NOC4L: variants seen among roughly 807,000 people sequenced by gnomAD.
NOC4L encodes the protein nucleolar complex associated 4 homolog.
A neutral mutation model predicts 62.8 loss-of-function variants in NOC4L; 40 were observed. The ratio of observed to expected loss-of-function variants is 0.64; its 90% CI spans 0.49 to 0.83. The LOEUF is 0.83. Among genes scored for constraint, NOC4L ranks in the 40% least tolerant of loss-of-function variants. NOC4L has a pLI of 0.00. For missense variants in NOC4L, 927 were observed against 701.9 expected, an observed-to-expected ratio of 1.32 and a Z score of -3.62; for synonymous variants, 433 against 299.8, an observed-to-expected ratio of 1.44 and a Z score of -4.59.
intron 6 of NOC4L, 38 bp downstream of exon 6, chr12:132,148,017 C>T: frequency 6.2e-7 from 1 of 1,612,940 alleles, no homozygotes; most frequent in Non-Finnish European, 8.5e-7. Flanking sequence ...CAGGGCTGAG[C>T]CTTGGTCTGC....
At position 132,145,543 on chromosome 12, in the gene NOC4L, C is replaced by T; in HGVS notation, c.239-16C>T. ...TGTGGGCCTCACGTGGGCTGACCAC[C>T]CTAACCTGTCTGCAGGGTCCCAGGG... On this transcript the variant is annotated splice_polypyrimidine_tract_variant and intron_variant, in intron 2 of 14. Coordinates refer to ENST00000330579, the MANE Select transcript of NOC4L (RefSeq NM_024078.3). The T allele has an allele frequency of 6.3e-7, 1 of 1,593,986 alleles. No individual in the cohort carries two copies. Among genetic ancestry groups the T allele is most frequent in the South Asian group, 1.1e-5 (1 of 90,100 alleles).
At position 132,144,485 on chromosome 12, in the gene NOC4L, C is replaced by T. The variant is rs766554183; in HGVS notation, c.-4C>T. On this transcript the variant is annotated 5_prime_UTR_variant, in exon 1 of 15. Coordinates refer to ENST00000330579, the MANE Select transcript of NOC4L (RefSeq NM_024078.3). ...AATCCGCGTTGTTCCGTGTTGGGGG[C>T]GGCATGGAGCGGGAGCCGGGCGCCG... The T allele has an allele frequency of 1.1e-5, 17 of 1,520,860 alleles. No homozygotes were observed. Among genetic ancestry groups the T allele is most frequent in the South Asian group, 8.7e-5 (7 of 80,706 alleles). 94.2% of individuals were successfully genotyped at this position (1,520,860 alleles called of 1,614,324 possible).
chr12:132,151,779 G>T lies in NOC4L; in HGVS notation c.1276G>T (p.Ala426Ser), dbSNP rs1314338955. 2 of 1,612,346 alleles carry T rather than the reference G, an allele frequency of 1.2e-6. No homozygotes were observed. The highest frequency in any genetic ancestry group is 1.7e-6 in the Non-Finnish European group (2 of 1,179,806). Residue 426 changes from alanine (A) to serine (S), a missense_variant, in exon 13 of 15, where the codon GCC (alanine) becomes TCC (serine). Physicochemically the swap from Ala to Ser is moderately conservative, Grantham distance 99. Transcript: ENST00000330579. Reference protein sequence around the residue: ...DPYDPGEEDPAQSRALESSLW... With the variant: ...DPYDPGEEDPSQSRALESSLW... ...CTACGACCCTGGAGAGGAGGACCCAGCCCAGAGCCGGGCCTTGGAGAGCTC... is the reference window on the plus strand; with the variant it reads ...CTACGACCCTGGAGAGGAGGACCCATCCCAGAGCCGGGCCTTGGAGAGCTC...
chr12:132,150,708 C>T (rs566418859), intron 9 of NOC4L: 7 of 367,580 alleles, frequency 1.9e-5, no homozygotes, highest in African/African-American at 1.3e-4. Context: ...AGTGCCGCCG[C>T]CTCGCTCACA....
intron 2 of NOC4L, among the ~76,000 whole-genome samples, chr12:132,145,324 C>T (rs1174244894): frequency 6.6e-6 from 1 of 152,230 alleles, no homozygotes; most frequent in Non-Finnish European, 1.5e-5. Context: ...GATGTGGATC[C>T]TGCTCCTGGC....
In NOC4L at chr12:132,152,295, A is replaced by T. The variant is rs1329284723; in HGVS notation, c.1445A>T (p.Asp482Val). ...ELTAYEIFER[D>V]LKKKGPEPVP... ...TGTGCTTTGCAGATCTTTGAGCGGG[A>T]CCTGAAGAAGAAGGGGCCCGAGCCG... Residue 482 changes from aspartate to valine, a missense_variant, in exon 15 of 15, where the codon GAC becomes GTC. Transcript: ENST00000330579. 3 of 1,562,942 alleles carry T rather than the reference A, an allele frequency of 1.9e-6. No homozygotes were observed. The Admixed American group carries it at 5.7e-5, about 30-fold the overall frequency.
chr12:132,147,405 G>T lies in NOC4L; in HGVS notation c.453+17G>T, dbSNP rs1290267672. 1 of 1,537,578 alleles carries T rather than the reference G, an allele frequency of 6.5e-7. No homozygotes were observed. Among genetic ancestry groups the T allele is most frequent in the Non-Finnish European group, 8.9e-7 (1 of 1,129,338 alleles). Reference sequence around the variant, plus strand: ...CTCTTCAAGGTGAGGGCCTTGCTGGGGACTCCCAGAGGGCCTGGCTGGCTG... The same window carrying T: ...CTCTTCAAGGTGAGGGCCTTGCTGGTGACTCCCAGAGGGCCTGGCTGGCTG... On this transcript the variant is annotated intron_variant, in intron 4 of 14. Transcript: ENST00000330579.
chr12:132,144,561 C>T lies in NOC4L; in HGVS notation c.73C>T (p.Arg25Cys). Residue 25 changes from arginine to cysteine, a missense_variant, in exon 1 of 15, where the codon CGC (arginine) becomes TGC (cysteine). Arg to Cys is a radical substitution (Grantham distance 180, BLOSUM62 -3). Coordinates refer to ENST00000330579, the MANE Select transcript of NOC4L (RefSeq NM_024078.3). ...GRRLEAVLAS[R>C]SEANAVFDIL... The stretch of plus-strand genomic sequence containing the variant: ...CCGGCTGGAGGCGGTGCTGGCGAGC[C>T]GCAGTGAGGCCAACGCCGTGTTCGA... The T allele has an allele frequency of 6.6e-7, 1 of 1,521,212 alleles. No homozygotes were observed. The allele number at this position is 1,521,212 out of a possible 1,614,324, so 94.2% of individuals were successfully genotyped here.
intron 8 of NOC4L, 34 bp from the exon 9 acceptor site, chr12:132,148,736 GGCCCCCGCCCACCC>G (rs751870645): frequency 2.0e-5 from 6 of 306,044 alleles, no homozygotes; most frequent in South Asian, 6.1e-5. Context: ...CCGACCCGCC[GGCCCCCGCCCACCC>G]GCCCCTCACC....
chr12:132,151,867 G>A (rs766440995), intron 13 of NOC4L, 47 bp downstream of exon 13: 75 of 1,574,066 alleles, frequency 4.8e-5, no homozygotes, highest in African/African-American at 6.8e-5. Context: ...GCCATCCTTC[G>A]GCCCCTCAGA....
intron 3 of NOC4L, among the ~76,000 whole-genome samples, 175 bp from the exon 4 acceptor site, chr12:132,147,106 T>C (rs1031295396): frequency 1.3e-5 from 2 of 152,188 alleles, no homozygotes; most frequent in African/African-American, 2.4e-5. Flanking sequence ...CTCTACGTCA[T>C]GGGTGGGACA....
intron 9 of NOC4L, among the ~76,000 whole-genome samples, chr12:132,150,582 TCATACCACACC>T (rs1565960935): frequency 0.11 from 80 of 752 alleles, 37 homozygotes; most frequent in African/African-American, 0.37. Context: ...GCCGCCTCGC[TCATACCACACC>T]CCTAATCCCC....
In NOC4L at chr12:132,145,649, C is replaced by T. The variant is rs778028778; in HGVS notation, c.329C>T (p.Pro110Leu). The change falls in exon 3 of 15, where the codon CCC becomes CTC. Residue 110 changes from proline (P) to leucine (L), a missense_variant. Transcript: ENST00000330579. ...CNRLGELLGH[P>L]SFQVKELALS... is the part of the protein sequence containing the mutation. ...CGCTTGGGAGAGCTCCTGGGCCACC[C>T]CTCCTTTCAGGTCAAGGTGGGTCAT... is the stretch of plus-strand genomic sequence containing the variant. The T allele has an allele frequency of 1.9e-6, 3 of 1,612,994 alleles. No individual in the cohort carries two copies. Among genetic ancestry groups the T allele is most frequent in the Non-Finnish European group, 8.5e-7 (1 of 1,179,460 alleles).
At chr12:132,145,254 ACT>A in intron 2 of NOC4L, among the ~76,000 whole-genome samples, 4 of 152,124 alleles carry the variant, frequency 2.6e-5, no homozygotes. Context: ...GGTCGCTTAA[ACT>A]CGGAGCTTCC....
In NOC4L at chr12:132,148,059, G is replaced by A. The variant is rs957880038; in HGVS notation, c.704-13G>A. ...TGCGGGTCAGGTGACCTTTGCCCTC[G>A]CTTTCCCTGCAGAGCTGTGGGACAC... On this transcript the variant is annotated splice_polypyrimidine_tract_variant and intron_variant, in intron 6 of 14. Coordinates refer to ENST00000330579, the MANE Select transcript of NOC4L (RefSeq NM_024078.3). 7.4e-6 allele frequency: 12 copies of A among 1,613,372 alleles called. No homozygotes were observed. Among genetic ancestry groups the A allele is most frequent in the Admixed American group, 5.0e-5 (3 of 59,992 alleles).
At position 132,151,239 on chromosome 12, in the gene NOC4L, C is replaced by T; in HGVS notation, c.963-19C>T. 1 of 1,599,538 alleles carries T rather than the reference C, an allele frequency of 6.3e-7. No homozygotes were observed. Among genetic ancestry groups the T allele is most frequent in the Non-Finnish European group, 8.6e-7 (1 of 1,169,560 alleles). On this transcript the variant is annotated intron_variant, in intron 10 of 14. Transcript: ENST00000330579. ...CCCGGGCCCTGCTCCATCCGCTGCT[C>T]CTTCCCCCCGGCCCGCAGGGAGTAC...
intron 8 of NOC4L, 49 bp from the exon 9 acceptor site, chr12:132,148,735 C>CCGGGGGGGGGGGGGG: frequency 7.6e-7 from 1 of 1,309,250 alleles, no homozygotes; most frequent in East Asian, 2.8e-5. Context: ...CCCGACCCGC[C>CCGGGGGGGGGGGGGG]GGCCCCCGCC....
chr12:132,151,214 C>T (rs1897925388), intron 10 of NOC4L, 44 bp from the exon 11 acceptor site: 9 of 1,548,158 alleles, frequency 5.8e-6, no homozygotes, highest in Non-Finnish European at 8.0e-6. Flanking sequence ...GGCCTCAGTT[C>T]CCGGGCCCTG....
At chr12:132,152,259 C>A in intron 14 of NOC4L, 23 bp from the exon 15 acceptor site, 2 of 1,586,496 alleles carry the variant, frequency 1.3e-6, no homozygotes, top group Non-Finnish European at 1.7e-6. Context: ...AGCCTGAGAG[C>A]CGCCGTGCTT....
Sources: allele counts gnomAD v4.1 joint callset (sites outside exome capture counted in the v4.1 genomes callset), GRCh38; gene constraint gnomAD v4.1.1; transcripts MANE v1.5; gene names NCBI Gene and HGNC (gene_info 2026-07-23, HGNC 2026-07-21).